CNTLN: variants seen among roughly 807,000 people sequenced by gnomAD.
The protein encoded by CNTLN is centlein, centrosomal protein.
A neutral mutation model predicts 180.0 loss-of-function variants in CNTLN; 212 were observed. The ratio of observed to expected loss-of-function variants is 1.18; its 90% confidence interval spans 1.05 to 1.32. The LOEUF (loss-of-function observed/expected upper bound fraction) is 1.32, where lower values mean the gene tolerates loss of function less well. Ranked by LOEUF, CNTLN falls within the 40% of genes most tolerant of loss-of-function variation. The probability of loss-of-function intolerance (pLI) is 0.00; values close to 1 mark genes in which losing one functional copy is unlikely to be tolerated. For synonymous variants in CNTLN, 722 were observed against 563.1 expected (o/e 1.28, Z -3.99); for missense variants, 2,095 against 1,610.9 (o/e 1.30, Z -5.14).
chr9:17,188,452 C>A (rs1367321208), intron 2 of CNTLN, among the ~76,000 whole-genome samples: 1 of 151,982 alleles, frequency 6.6e-6, no homozygotes, highest in East Asian at 1.9e-4. Flanking sequence ...CTTTTTTTGG[C>A]ATTCTTTGCA....
At position 17,183,949 on chromosome 9, in the gene CNTLN, T is replaced by G. The variant is rs548973895; in HGVS notation, c.449+40573T>G. On this transcript the variant is annotated intron_variant, in intron 2 of 25. Transcript: ENST00000380647. ...CTGTGAAAGCTAGTATCTAAATTTG[T>G]TCTTAAGAACCAGTCAAGTGTAAAG... is the stretch of plus-strand genomic sequence containing the variant. 3.3e-4 allele frequency among the ~76,000 whole-genome samples: 51 copies of G among 152,256 alleles called. 1 individual carries two copies. The South Asian group carries it at 0.01, about 31-fold the overall frequency.
At chr9:17,225,401 A>C (rs971494591) in intron 2 of CNTLN, among the ~76,000 whole-genome samples, 2 of 151,974 alleles carry the variant, frequency 1.3e-5, no homozygotes, top group Non-Finnish European at 2.9e-5. Flanking sequence ...ATTTTTGTTT[A>C]ATTTGTGATT....
At chr9:17,308,321 A>G (rs1166597193) in intron 7 of CNTLN, among the ~76,000 whole-genome samples, 1 of 152,104 alleles carries the variant, frequency 6.6e-6, no homozygotes, top group Non-Finnish European at 1.5e-5. Flanking sequence ...ATTTTTTCAC[A>G]GTTTAAGGTT....
At chr9:17,433,032 A>C (rs1225342983) in intron 18 of CNTLN, among the ~76,000 whole-genome samples, 1 of 150,032 alleles carries the variant, frequency 6.7e-6, no homozygotes, top group Admixed American at 6.6e-5. Flanking sequence ...AAAAAAAAAA[A>C]AAAAAACAAA....
intron 12 of CNTLN, among the ~76,000 whole-genome samples, chr9:17,345,190 A>AT (rs1470759568): frequency 6.6e-6 from 1 of 152,190 alleles, no homozygotes; most frequent in Non-Finnish European, 1.5e-5. Context: ...TTGTGTGAAC[A>AT]TAACTTTTAT....
In CNTLN at chr9:17,466,865, G is replaced by C. The variant is rs758883394; in HGVS notation, c.3829G>C (p.Val1277Leu). Residue 1277 changes from valine (V) to leucine (L), a missense_variant, in exon 23 of 26, where the codon GTA becomes CTA. Physicochemically the swap from Val to Leu is conservative, Grantham distance 32. Coordinates refer to ENST00000380647, the MANE Select transcript of CNTLN (RefSeq NM_017738.4). ...GACATTGCTGTTAGCCAATGAAAAA[G>C]TAGAAGAGTTCACCACATTTGTGAA... ...QKTLLLANEK[V>L]EEFTTFVKAL... The C allele has an allele frequency of 6.2e-7, 1 of 1,609,646 alleles. No individual in the cohort carries two copies. Among genetic ancestry groups the C allele is most frequent in the South Asian group, 1.1e-5 (1 of 90,716 alleles).
chr9:17,412,145 C>G (rs1403483678), intron 16 of CNTLN, among the ~76,000 whole-genome samples: 3 of 151,900 alleles, frequency 2.0e-5, no homozygotes, highest in Non-Finnish European at 4.4e-5. Context: ...CCTCCCCAAG[C>G]AGTAATAAGG....
intron 13 of CNTLN, among the ~76,000 whole-genome samples, chr9:17,374,926 C>G (rs1283688030): frequency 6.6e-6 from 1 of 151,464 alleles, no homozygotes; most frequent in Non-Finnish European, 1.5e-5. Context: ...AGTTATATAC[C>G]CAAAAGAAAG....
chr9:17,316,946 G>GT (rs1819578743), intron 8 of CNTLN, among the ~76,000 whole-genome samples: 1 of 151,662 alleles, frequency 6.6e-6, no homozygotes, highest in African/African-American at 2.4e-5. Flanking sequence ...TGCTTTTATT[G>GT]TCACAAATTA....
chr9:17,182,649 G>C (rs1338067671), intron 2 of CNTLN, among the ~76,000 whole-genome samples: 3 of 152,164 alleles, frequency 2.0e-5, no homozygotes, highest in African/African-American at 7.2e-5. Flanking sequence ...AGATTAAAAA[G>C]TTTGATAGAT....
chr9:17,440,566 G>A (rs970343749), intron 18 of CNTLN, among the ~76,000 whole-genome samples: 6 of 144,472 alleles, frequency 4.2e-5, no homozygotes, highest in African/African-American at 1.3e-4. Flanking sequence ...TCCAGCCTGG[G>A]CGACGGAGCG....
chr9:17,244,087 C>G (rs1447673355), intron 5 of CNTLN, among the ~76,000 whole-genome samples: 2 of 151,680 alleles, frequency 1.3e-5, no homozygotes, highest in East Asian at 3.9e-4. Context: ...TAGTTGTTGT[C>G]TTGAAATCTA....
At chr9:17,146,013 C>G (rs1017864551) in intron 2 of CNTLN, among the ~76,000 whole-genome samples, 2 of 152,042 alleles carry the variant, frequency 1.3e-5, no homozygotes, top group Non-Finnish European at 2.9e-5. Flanking sequence ...TACCAAGGAG[C>G]CCATCAGTGT....
chr9:17,271,469 C>G (rs528019310), intron 5 of CNTLN, among the ~76,000 whole-genome samples: 5 of 143,216 alleles, frequency 3.5e-5, no homozygotes, highest in Admixed American at 3.5e-4. Context: ...GGATTCCATT[C>G]TAGTAATTTA....
chr9:17,136,942 C>T (rs1026770757), intron 1 of CNTLN, among the ~76,000 whole-genome samples: 2 of 151,806 alleles, frequency 1.3e-5, no homozygotes, highest in African/African-American at 2.4e-5. Context: ...GCATATTTTC[C>T]GCACTCTTTC....
chr9:17,170,018 G>A lies in CNTLN; in HGVS notation c.449+26642G>A, dbSNP rs1044144375. On this transcript the variant is annotated intron_variant, in intron 2 of 25. Transcript: ENST00000380647. Reference sequence around the variant, plus strand: ...TATATTTTAGCAATAACCATCCTTCGAATCCATGAGCTATTTTTCCAGTTA... The same window carrying A: ...TATATTTTAGCAATAACCATCCTTCAAATCCATGAGCTATTTTTCCAGTTA... 1.4e-4 allele frequency among the ~76,000 whole-genome samples: 21 copies of A among 151,960 alleles called. 1 individual carries two copies. Among genetic ancestry groups the A allele is most frequent in the African/African-American group, 4.1e-4 (17 of 41,380 alleles).
intron 6 of CNTLN, among the ~76,000 whole-genome samples, chr9:17,296,271 G>A (rs556675899): frequency 6.6e-6 from 1 of 151,978 alleles, no homozygotes; most frequent in Admixed American, 6.6e-5. Flanking sequence ...CACCTGCCTC[G>A]GCCTCCAAAG....
At chr9:17,415,664 A>G (rs1828165043) in intron 16 of CNTLN, 124 bp from the exon 17 acceptor site, 1 of 697,242 alleles carries the variant, frequency 1.4e-6, no homozygotes, top group Non-Finnish European at 2.4e-6. Flanking sequence ...TTGGTCTCCC[A>G]CAGACTTAAA....
chr9:17,154,386 A>T (rs1303508985), intron 2 of CNTLN, among the ~76,000 whole-genome samples: 6 of 152,164 alleles, frequency 3.9e-5, no homozygotes, highest in African/African-American at 1.4e-4. Context: ...TCCTTCTGAC[A>T]GTCAGGCCCC....
Sources: gnomAD v4.1 joint callset for allele counts (sites outside exome capture counted in the v4.1 genomes callset) on GRCh38, gnomAD v4.1.1 for gene constraint, MANE v1.5 for transcripts, NCBI Gene and HGNC (gene_info 2026-07-23, HGNC 2026-07-21) for gene names.